The following ADCY9 variants were observed in gnomAD, a reference collection of about 807,000 sequenced individuals.
ADCY9 encodes the protein adenylate cyclase 9, also known as adenylate cyclase type 9.
ADCY9 carries 50 observed loss-of-function variants against 101.5 expected under a neutral mutation model. The observed-to-expected ratio is 0.49, with a 90% confidence interval of 0.39 to 0.62. The LOEUF is 0.62. Among genes scored for constraint, ADCY9 ranks in the 20% least tolerant of loss-of-function variants. ADCY9 has a pLI of 0.00. For missense variants in ADCY9, 1,662 were observed against 1,800.4 expected (o/e 0.92, Z 1.39); for synonymous variants, 905 against 769.3 (o/e 1.18, Z -2.92).
chr16:3,987,772 G>A (rs1456382377), intron 6 of ADCY9, among the ~76,000 whole-genome samples: 1 of 152,204 alleles, frequency 6.6e-6, no homozygotes, highest in African/African-American at 2.4e-5. Context: ...CCTGCTGGAG[G>A]AACCAAGGGA....
rs752681419 is a variant in ADCY9, at chr16:3,992,454, G to A, written c.1990-91C>T. On this transcript the variant is annotated intron_variant, in intron 4 of 10. Transcript: ENST00000294016. This position sits in a 1 kb window ranked among gnomAD's most constrained non-coding sequence, Gnocchi z 4.2. ...CCTGTCCCACCCCGACCTCCGCTGC[G>A]GGGCGCTGCTGCACTGGGCGTGGGA... The A allele has an allele frequency of 1.5e-4, 178 of 1,188,664 alleles. No individual in the cohort carries two copies. Among genetic ancestry groups the A allele is most frequent in the Non-Finnish European group, 2.0e-4 (168 of 836,896 alleles). 73.6% of individuals were successfully genotyped at this position (1,188,664 alleles called of 1,614,324 possible).
At chr16:4,018,222 T>G (rs570672705) in intron 2 of ADCY9, among the ~76,000 whole-genome samples, 20 of 151,816 alleles carry the variant, frequency 1.3e-4, no homozygotes, top group Admixed American at 3.3e-4. Flanking sequence ...CTCTTTTTTT[T>G]TTTTTTTTTG....
Position 4,011,026 on chromosome 16 carries a change from T to C in ADCY9, c.1694-3468A>G, listed in dbSNP as rs148278115. ...CATGAGGACAGAAATTTCCGTGCTG[T>C]ATAGATTACCCAGCCTATGCTGTTC... is the stretch of plus-strand genomic sequence containing the variant. On this transcript the variant is annotated intron_variant, in intron 2 of 10. Coordinates refer to ENST00000294016, the MANE Select transcript of ADCY9 (RefSeq NM_001116.4). Among the ~76,000 whole-genome samples the C allele has an allele frequency of 2.8e-3, 427 of 152,268 alleles. 1 individual carries two copies. The highest frequency in any genetic ancestry group is 6.8e-3 in the Middle Eastern group (2 of 294).
chr16:4,040,799 G>GTT (rs1223877398), intron 2 of ADCY9, among the ~76,000 whole-genome samples: 1 of 152,054 alleles, frequency 6.6e-6, no homozygotes, highest in East Asian at 1.9e-4. Flanking sequence ...TTGATTCCAG[G>GTT]TTAAATAAAG....
intron 3 of ADCY9, among the ~76,000 whole-genome samples, chr16:4,002,773 G>C (rs767722248): frequency 6.6e-6 from 1 of 152,202 alleles, no homozygotes; most frequent in Non-Finnish European, 1.5e-5. Context: ...GAAGTGCAGT[G>C]GCGTGGTCTC....
At chr16:4,033,537 G>A (rs1032487041) in intron 2 of ADCY9, among the ~76,000 whole-genome samples, 6 of 151,242 alleles carry the variant, frequency 4.0e-5, no homozygotes, top group Middle Eastern at 3.4e-3. Flanking sequence ...AGGTTCAAGC[G>A]ACTCCCCTGC....
intron 9 of ADCY9, among the ~76,000 whole-genome samples, chr16:3,976,734 T>A (rs1398849336): frequency 6.6e-6 from 1 of 152,212 alleles, no homozygotes; most frequent in Non-Finnish European, 1.5e-5. Context: ...CTCAGCTCAC[T>A]GCAACCTCCG....
chr16:3,996,292 G>A (rs1168657202), intron 3 of ADCY9, among the ~76,000 whole-genome samples: 1 of 152,200 alleles, frequency 6.6e-6, no homozygotes, highest in African/African-American at 2.4e-5. Context: ...AGCGAAGGAA[G>A]TCAAGGCTGC....
intron 2 of ADCY9, among the ~76,000 whole-genome samples, chr16:4,086,047 G>C (rs1235238291): frequency 6.6e-6 from 1 of 152,016 alleles, no homozygotes; most frequent in Non-Finnish European, 1.5e-5. Context: ...ACCAGCCCTG[G>C]TCAGCGTACT....
intron 3 of ADCY9, among the ~76,000 whole-genome samples, chr16:4,003,551 GCT>G (rs766865540): frequency 1.4e-4 from 20 of 147,326 alleles, no homozygotes; most frequent in Non-Finnish European, 2.7e-4. Flanking sequence ...GTGTGTGTTT[GCT>G]CTTTCTTTTC....
Position 4,096,733 on chromosome 16 carries a change from T to G in ADCY9, c.1693+17017A>C, listed in dbSNP as rs116710006. 3.3e-3 allele frequency among the ~76,000 whole-genome samples: 497 copies of G among 152,344 alleles called. 4 individuals are homozygous for G. The highest frequency in any genetic ancestry group is 0.011 in the African/African-American group (467 of 41,582). On this transcript the variant is annotated intron_variant, in intron 2 of 10. Coordinates refer to ENST00000294016, the MANE Select transcript of ADCY9 (RefSeq NM_001116.4). ...AAAGTGTCATAGCCTTAATGGTATA[T>G]TGCATTTAATATCCATACACAAGGA...
chr16:4,001,168 T>C (rs2056327867), intron 3 of ADCY9, among the ~76,000 whole-genome samples: 1 of 152,204 alleles, frequency 6.6e-6, no homozygotes, highest in South Asian at 2.1e-4. Flanking sequence ...GCTGGCTTTA[T>C]TCTGATGTCC....
chr16:4,005,886 A>C (rs1320776792), intron 3 of ADCY9, among the ~76,000 whole-genome samples: 1 of 152,142 alleles, frequency 6.6e-6, no homozygotes, highest in Non-Finnish European at 1.5e-5. Context: ...CAAATAGCAA[A>C]ACCATTCCCG....
intron 2 of ADCY9, among the ~76,000 whole-genome samples, chr16:4,095,870 G>A (rs535201938): frequency 9.9e-5 from 15 of 151,114 alleles, no homozygotes; most frequent in Admixed American, 6.6e-4. Flanking sequence ...CCAGCTACTC[G>A]AGAGGCTGAG....
chr16:4,105,162 T>G (rs543890493), intron 2 of ADCY9, among the ~76,000 whole-genome samples: 1 of 152,298 alleles, frequency 6.6e-6, no homozygotes, highest in East Asian at 1.9e-4. Flanking sequence ...CTCATCAAAT[T>G]TTTTCATTTT....
At chr16:4,083,232 A>T (rs764327625) in intron 2 of ADCY9, among the ~76,000 whole-genome samples, 1 of 152,244 alleles carries the variant, frequency 6.6e-6, no homozygotes, top group Non-Finnish European at 1.5e-5. Flanking sequence ...CCAATATAAC[A>T]TGCTTATTTT....
rs771356392 is a variant in ADCY9, at chr16:3,979,290, G to A, written c.2520-15C>T. 1 of 1,612,688 alleles carries A rather than the reference G, an allele frequency of 6.2e-7. No homozygotes were observed. Among genetic ancestry groups the A allele is most frequent in the Non-Finnish European group, 8.5e-7 (1 of 1,179,368 alleles). On this transcript the variant is annotated splice_polypyrimidine_tract_variant and intron_variant, in intron 7 of 10. Transcript: ENST00000294016. ...AGAACACCATCCTGCGAGAGGCATG[G>A]GGGTTAGCAGGAGCGACGGGGCCCG...
At chr16:3,977,747 C>T (rs892393927) in intron 8 of ADCY9, 117 bp from the exon 9 acceptor site, 10 of 1,334,612 alleles carry the variant, frequency 7.5e-6, no homozygotes, top group Middle Eastern at 2.7e-4. Context: ...GACTGAGTCT[C>T]ACTCTGTCGC....
At position 4,114,182 on chromosome 16, in the gene ADCY9, C is replaced by G. The variant is rs778333072; in HGVS notation, c.1261G>C (p.Asp421His). 72 of 1,613,834 alleles carry G rather than the reference C, an allele frequency of 4.5e-5. No homozygotes were observed. Among genetic ancestry groups the G allele is most frequent in the Non-Finnish European group, 6.0e-5 (71 of 1,180,036 alleles). ...SAHALVGLLN[D>H]LFGRFDRLCE... Reference sequence around the variant, plus strand: ...AGGCGGTCGAAGCGACCGAACAGATCGTTCAGGAGACCCACCAGGGCGTGG... The same window carrying G: ...AGGCGGTCGAAGCGACCGAACAGATGGTTCAGGAGACCCACCAGGGCGTGG... Residue 421 changes from aspartate to histidine, a missense_variant, in exon 2 of 11, where the codon GAT becomes CAT. By Grantham distance (81) the Asp-to-His change is moderately conservative. Transcript: ENST00000294016. This position sits in a 1 kb window ranked among gnomAD's most constrained non-coding sequence, Gnocchi z 4.3.
Sources: allele counts gnomAD v4.1 joint callset (sites outside exome capture counted in the v4.1 genomes callset), GRCh38; gene constraint gnomAD v4.1.1; non-coding constraint Gnocchi (gnomAD v3.1); transcripts MANE v1.5; gene names NCBI Gene and HGNC (gene_info 2026-07-23, HGNC 2026-07-21).